CAMTA1: variants seen among roughly 807,000 people sequenced by gnomAD.
CAMTA1 encodes the protein calmodulin-binding transcription activator 1.
In CAMTA1, 27 loss-of-function variants were observed where a neutral mutation model predicts 170.9. The observed-to-expected ratio is 0.16, with a 90% confidence interval of 0.12 to 0.22. The LOEUF is 0.22. CAMTA1 is among the 10% of genes least tolerant of loss of function. CAMTA1 has a pLI of 1.00. For missense variants in CAMTA1, 1,619 were observed against 2,217.2 expected (o/e 0.73, Z 5.42); for synonymous variants, 833 against 891.5 (o/e 0.93, Z 1.17).
intron 6 of CAMTA1, among the ~76,000 whole-genome samples, chr1:7,493,379 AC>A (rs1354509188): frequency 9.6e-5 from 2 of 20,776 alleles, no homozygotes; most frequent in Non-Finnish European, 1.6e-4. Context: ...GTGCGCACAC[AC>A]AAACAAACAC....
At chr1:7,036,330 A>G (rs1703588814) in intron 3 of CAMTA1, among the ~76,000 whole-genome samples, 1 of 152,224 alleles carries the variant, frequency 6.6e-6, no homozygotes, top group African/African-American at 2.4e-5. Context: ...GAATGTGTGA[A>G]CACATGATGG....
chr1:6,865,829 T>C (rs1666399766), intron 3 of CAMTA1, among the ~76,000 whole-genome samples: 1 of 152,194 alleles, frequency 6.6e-6, no homozygotes, highest in South Asian at 2.1e-4. Flanking sequence ...GTGGGAGAGC[T>C]ATAACCTGAA....
rs1450088742 is a variant in CAMTA1 at position 7,014,501 on chromosome 1, C to A, written c.235-76803C>A. Reference sequence around the variant, plus strand: ...CCCCAGCCTGCCCCATTAGACAGGGCATGGTGAGGCGAATGGCTGCAGGGA... The same window carrying A: ...CCCCAGCCTGCCCCATTAGACAGGGAATGGTGAGGCGAATGGCTGCAGGGA... On this transcript the variant is annotated intron_variant, in intron 3 of 22. Coordinates refer to ENST00000303635, the MANE Select transcript of CAMTA1 (RefSeq NM_015215.4). The surrounding 1 kb of genome is among the most constrained non-coding windows in gnomAD (Gnocchi z 4.2). Among the ~76,000 whole-genome samples, 1 of 152,166 alleles carries A rather than the reference C, an allele frequency of 6.6e-6. No individual in the cohort carries two copies. Among genetic ancestry groups the A allele is most frequent in the Non-Finnish European group, 1.5e-5 (1 of 68,024 alleles).
intron 4 of CAMTA1, among the ~76,000 whole-genome samples, chr1:7,179,017 G>T (rs1651535489): frequency 6.6e-6 from 1 of 152,152 alleles, no homozygotes; most frequent in Admixed American, 6.5e-5. Flanking sequence ...GGCACAATTG[G>T]TGCCCTAAGT....
chr1:6,986,345 C>T (rs774601412), intron 3 of CAMTA1, among the ~76,000 whole-genome samples: 12 of 152,134 alleles, frequency 7.9e-5, no homozygotes, highest in East Asian at 1.9e-4. Flanking sequence ...CTGTCCCCTG[C>T]GAGGCAGGGG....
intron 19 of CAMTA1, chr1:7,749,899 A>T (rs1287200488): frequency 4.7e-6 from 2 of 421,092 alleles, no homozygotes; most frequent in South Asian, 1.7e-5. Flanking sequence ...TCATGGAGTA[A>T]ACATATCCCC....
At chr1:7,515,362 G>A (rs2094269066) in intron 6 of CAMTA1, among the ~76,000 whole-genome samples, 1 of 152,196 alleles carries the variant, frequency 6.6e-6, no homozygotes, top group Non-Finnish European at 1.5e-5. Flanking sequence ...TCGGACTGTG[G>A]CACCAAAACA....
Position 6,895,937 on chromosome 1 carries a change from AG to A in CAMTA1, c.234+70732del, listed in dbSNP as rs1675573613. Among the ~76,000 whole-genome samples, 3 of 152,078 alleles carry A rather than the reference AG, an allele frequency of 2.0e-5. No homozygotes were observed. In the South Asian group the frequency reaches 6.2e-4, roughly 32 times the overall value. The stretch of plus-strand genomic sequence containing the variant: ...CCCATCCTATTAGCTCTTTTAGGGC[AG>A]GGGGCCCTGTCTATCTCCTTTTCAG... On this transcript the variant is annotated intron_variant, in intron 3 of 22. Coordinates refer to ENST00000303635, the MANE Select transcript of CAMTA1 (RefSeq NM_015215.4).
At chr1:7,071,644 C>T (rs1389194473) in intron 3 of CAMTA1, among the ~76,000 whole-genome samples, 1 of 152,140 alleles carries the variant, frequency 6.6e-6, no homozygotes, top group African/African-American at 2.4e-5. Context: ...TTTTAAAAAG[C>T]CAATTAATAT....
chr1:7,438,590 G>A (rs1438107072), intron 5 of CAMTA1, among the ~76,000 whole-genome samples: 1 of 152,172 alleles, frequency 6.6e-6, no homozygotes, highest in African/African-American at 2.4e-5. Context: ...TGTACCCAGA[G>A]CCGTGGGAGG....
chr1:6,963,013 C>T (rs776633122), intron 3 of CAMTA1, among the ~76,000 whole-genome samples: 31 of 151,368 alleles, frequency 2.0e-4, no homozygotes, highest in Non-Finnish European at 4.1e-4. Flanking sequence ...CCACCCTGGC[C>T]CCGCCCTGTG....
chr1:7,710,450 A>C (rs2096560970), intron 11 of CAMTA1, among the ~76,000 whole-genome samples: 1 of 151,754 alleles, frequency 6.6e-6, no homozygotes, highest in African/African-American at 2.4e-5. Flanking sequence ...ATTTAAAACA[A>C]ATAGCTGGAC....
chr1:7,600,235 G>T (rs2095429691), intron 6 of CAMTA1, among the ~76,000 whole-genome samples: 1 of 152,174 alleles, frequency 6.6e-6, no homozygotes, highest in Admixed American at 6.5e-5. Flanking sequence ...TTATGTGCTG[G>T]ATTATGTTTG....
chr1:7,292,503 C>T (rs1394559208), intron 5 of CAMTA1, among the ~76,000 whole-genome samples: 2 of 152,106 alleles, frequency 1.3e-5, no homozygotes, highest in Non-Finnish European at 2.9e-5. Context: ...GCCATTCATC[C>T]TGAAGACTTA....
intron 5 of CAMTA1, among the ~76,000 whole-genome samples, chr1:7,362,268 A>G (rs1185282811): frequency 6.6e-6 from 1 of 151,552 alleles, no homozygotes; most frequent in African/African-American, 2.4e-5. Context: ...TAGTGCTGGT[A>G]AACTTGGTTA....
chr1:7,715,895 A>G (rs1245870863), intron 11 of CAMTA1, among the ~76,000 whole-genome samples: 1 of 152,240 alleles, frequency 6.6e-6, no homozygotes, highest in Non-Finnish European at 1.5e-5. Context: ...CTTAATGACT[A>G]AAAATTTTCT....
rs574818270 is a variant in CAMTA1 at position 7,427,641 on chromosome 1, T to G, written c.439-40189T>G. ...AATTTTCAATCTCTAGTCTCTTTTA[T>G]AATCCTGAGTGGCTTGGCTTCAGAA... On this transcript the variant is annotated intron_variant, in intron 5 of 22. Coordinates refer to ENST00000303635, the MANE Select transcript of CAMTA1 (RefSeq NM_015215.4). Among the ~76,000 whole-genome samples, 32 of 152,378 alleles carry G rather than the reference T, an allele frequency of 2.1e-4. No homozygotes were observed. In the South Asian group the frequency reaches 2.9e-3, roughly 14 times the overall value.
rs1055988634 is a variant in CAMTA1 at position 6,934,672 on chromosome 1, T to C, written c.234+109462T>C. Among the ~76,000 whole-genome samples the C allele has an allele frequency of 1.9e-4, 29 of 151,992 alleles. No homozygotes were observed. Among genetic ancestry groups the C allele is most frequent in the African/African-American group, 7.0e-4 (29 of 41,416 alleles). Reference sequence around the variant, plus strand: ...CCCGGGGCAAATGCCTCCCCTCCCTTCACCACCACCCCCTCCCCTCTCTCC... The same window carrying C: ...CCCGGGGCAAATGCCTCCCCTCCCTCCACCACCACCCCCTCCCCTCTCTCC... On this transcript the variant is annotated intron_variant, in intron 3 of 22. Coordinates refer to ENST00000303635, the MANE Select transcript of CAMTA1 (RefSeq NM_015215.4). This position sits in a 1 kb window ranked among gnomAD's most constrained non-coding sequence, Gnocchi z 4.5.
chr1:7,237,986 G>C (rs977930854), intron 4 of CAMTA1, among the ~76,000 whole-genome samples: 5 of 152,172 alleles, frequency 3.3e-5, no homozygotes, highest in Admixed American at 6.5e-5. Context: ...AGCTCTTAAG[G>C]AGCTGAGCTA....
Sources: gnomAD v4.1 joint callset for allele counts (sites outside exome capture counted in the v4.1 genomes callset) on GRCh38, gnomAD v4.1.1 for gene constraint, Gnocchi (gnomAD v3.1) non-coding constraint, MANE v1.5 for transcripts, NCBI Gene and HGNC (gene_info 2026-07-23, HGNC 2026-07-21) for gene names.